The following PDE10A variants were observed in gnomAD, a reference collection of about 807,000 sequenced individuals.
PDE10A encodes phosphodiesterase 10A.
PDE10A carries 39 observed loss-of-function variants against 97.7 expected under a neutral mutation model. The ratio of observed to expected loss-of-function variants is 0.40; its 90% CI spans 0.31 to 0.52. The LOEUF is 0.52. Among genes scored for constraint, PDE10A ranks in the 20% least tolerant of loss-of-function variants. PDE10A has a pLI of 0.56. For synonymous variants in PDE10A, 371 were observed against 376.8 expected (o/e 0.98, Z 0.18); for missense variants, 731 against 1,047.8 (o/e 0.70, Z 4.17).
intron 3 of PDE10A, among the ~76,000 whole-genome samples, chr6:165,460,762 A>C (rs183451292): frequency 1.4e-3 from 214 of 152,326 alleles, no homozygotes; most frequent in African/African-American, 4.8e-3. Context: ...GAGATTTATT[A>C]CAACAATGGG....
intron 1 of PDE10A, among the ~76,000 whole-genome samples, chr6:165,958,610 G>A (rs919254016): frequency 6.7e-6 from 1 of 148,774 alleles, no homozygotes; most frequent in African/African-American, 2.5e-5. Context: ...AGAGAGAAAG[G>A]AAGGAAGGAA....
chr6:165,839,908 A>AACCTCATCTCCATTCTTATCAT (rs1562762597), intron 1 of PDE10A, among the ~76,000 whole-genome samples: 1 of 11,682 alleles, frequency 8.6e-5, no homozygotes, highest in African/African-American at 3.2e-4. Context: ...CCCATCTCCA[A>AACCTCATCTCCATTCTTATCAT]CTCCATCCCC....
At chr6:165,336,999 G>T (rs1267590493) in intron 20 of PDE10A, among the ~76,000 whole-genome samples, 1 of 151,840 alleles carries the variant, frequency 6.6e-6, no homozygotes, top group East Asian at 1.9e-4. Flanking sequence ...CTTGGCTTTG[G>T]TGCCTTGTGT....
intron 1 of PDE10A, among the ~76,000 whole-genome samples, chr6:165,544,143 G>A (rs952478881): frequency 1.3e-5 from 2 of 152,000 alleles, no homozygotes; most frequent in African/African-American, 4.8e-5. Flanking sequence ...AACATTATAG[G>A]TGCTACAAAT....
intron 1 of PDE10A, among the ~76,000 whole-genome samples, chr6:165,631,796 G>C (rs1788643169): frequency 6.6e-6 from 1 of 150,814 alleles, no homozygotes; most frequent in Admixed American, 6.6e-5. Context: ...TAAAACGTAA[G>C]TTTAACAGAA....
intron 1 of PDE10A, among the ~76,000 whole-genome samples, chr6:165,566,799 T>A (rs1165349244): frequency 6.6e-6 from 1 of 152,092 alleles, no homozygotes; most frequent in Non-Finnish European, 1.5e-5. Context: ...GTAAGTGAAA[T>A]ATGAAAAAAT....
intron 3 of PDE10A, among the ~76,000 whole-genome samples, chr6:165,478,142 G>C (rs1779397735): frequency 6.6e-6 from 1 of 152,136 alleles, no homozygotes; most frequent in Non-Finnish European, 1.5e-5. Context: ...TTCCGTATCT[G>C]ATTCCTTAAA....
intron 1 of PDE10A, among the ~76,000 whole-genome samples, chr6:165,622,319 A>C (rs774028043): frequency 2.6e-5 from 4 of 151,912 alleles, no homozygotes; most frequent in Non-Finnish European, 5.9e-5. Context: ...TGTGTCACTT[A>C]ATGGAAACAC....
chr6:165,543,077 T>C (rs552645867), intron 2 of PDE10A, among the ~76,000 whole-genome samples: 2 of 152,320 alleles, frequency 1.3e-5, no homozygotes, highest in Non-Finnish European at 2.9e-5. Context: ...AATAGACTTA[T>C]CTTTGTAAAA....
intron 1 of PDE10A, among the ~76,000 whole-genome samples, chr6:165,971,595 C>A (rs905267741): frequency 6.6e-6 from 1 of 152,112 alleles, no homozygotes; most frequent in Non-Finnish European, 1.5e-5. Context: ...GTCAAAAGTG[C>A]CTTGCCAATT....
chr6:165,969,146 C>T (rs564922622), intron 1 of PDE10A, among the ~76,000 whole-genome samples: 7 of 152,306 alleles, frequency 4.6e-5, no homozygotes, highest in African/African-American at 1.7e-4. Context: ...TAAAATTACC[C>T]TTCTGCAAAT....
Position 165,327,363 on chromosome 6 carries a change from T to C in PDE10A, c.*5662A>G, listed in dbSNP as rs1781103924. On this transcript the variant is annotated 3_prime_UTR_variant, in exon 22 of 22. Transcript: ENST00000539869. Reference sequence around the variant, plus strand: ...AAATTATGAACATTTCTAAATATATTTCATGTATCATACATATATATATTT... The same window carrying C: ...AAATTATGAACATTTCTAAATATATCTCATGTATCATACATATATATATTT... The C allele has an allele frequency of 1.3e-5, 2 of 152,228 alleles. No individual in the cohort carries two copies. The highest frequency in any genetic ancestry group is 2.1e-4 in the South Asian group (1 of 4,834). 9.4% of individuals were successfully genotyped at this position (152,228 alleles called of 1,614,324 possible). A position where few individuals can be genotyped will look rare whatever the true frequency, so the allele number is the denominator to read the frequency against.
upstream of PDE10A, among the ~76,000 whole-genome samples, chr6:165,666,869 T>C (rs1486377361): frequency 6.6e-6 from 1 of 152,224 alleles, no homozygotes; most frequent in Admixed American, 6.5e-5. Context: ...CAGCTTGACA[T>C]CAGGGAGACT....
chr6:165,801,776 T>C (rs1778994111), intron 1 of PDE10A, among the ~76,000 whole-genome samples: 2 of 152,170 alleles, frequency 1.3e-5, no homozygotes, highest in Non-Finnish European at 1.5e-5. Context: ...ATGTTTTCCT[T>C]ATTAAACATC....
chr6:165,403,351 T>C (rs896771342), intron 13 of PDE10A, among the ~76,000 whole-genome samples: 1 of 152,210 alleles, frequency 6.6e-6, no homozygotes. Context: ...TTCCCAACTC[T>C]GCATTCATTA....
intron 1 of PDE10A, among the ~76,000 whole-genome samples, chr6:165,743,276 T>C (rs569574396): frequency 6.6e-6 from 1 of 152,372 alleles, no homozygotes; most frequent in Admixed American, 6.5e-5. Context: ...AGAAGAGTCA[T>C]GCTTAGTGTT....
intron 2 of PDE10A, among the ~76,000 whole-genome samples, chr6:165,527,546 G>T (rs1235630374): frequency 6.6e-6 from 1 of 152,142 alleles, no homozygotes; most frequent in African/African-American, 2.4e-5. Context: ...GACAGCTATT[G>T]GCCTGGTACT....
chr6:165,635,524 C>T (rs374505632), intron 1 of PDE10A, among the ~76,000 whole-genome samples: 16 of 152,086 alleles, frequency 1.1e-4, no homozygotes, highest in Non-Finnish European at 2.2e-4. Context: ...ACCATCACAG[C>T]GGATTTGGAA....
intron 1 of PDE10A, among the ~76,000 whole-genome samples, chr6:165,709,712 T>TC (rs11434954): frequency 0.021 from 1,820 of 86,748 alleles, 86 homozygotes; most frequent in East Asian, 0.16. Flanking sequence ...TGCGGCACTG[T>TC]CCCCCCACTC....
Sources: allele counts gnomAD v4.1 joint callset (sites outside exome capture counted in the v4.1 genomes callset), GRCh38; gene constraint gnomAD v4.1.1; transcripts MANE v1.5; gene names NCBI Gene and HGNC (gene_info 2026-07-23, HGNC 2026-07-21).